Variants in MPRIP observed in about 807,000 individuals in gnomAD.
MPRIP encodes the protein myosin phosphatase Rho interacting protein.
A neutral mutation model predicts 234.9 loss-of-function variants in MPRIP; 59 were observed. That is an observed-to-expected ratio of 0.25 (90% CI 0.20 to 0.31). MPRIP has a LOEUF of 0.31. Among genes scored for constraint, MPRIP ranks in the 10% least tolerant of loss-of-function variants. The pLI is 1.00. For synonymous variants in MPRIP, 1,144 were observed against 1,263.9 expected (o/e 0.91, Z 2.01); for missense variants, 2,436 against 3,071.0 (o/e 0.79, Z 4.89).
chr17:17,154,212 G>A (rs2045675141), intron 12 of MPRIP, 94 bp from the exon 13 acceptor site: 2 of 1,036,834 alleles, frequency 1.9e-6, no homozygotes, highest in Admixed American at 1.9e-5. Context: ...TCTCCCTGTG[G>A]GACTTTACCC....
chr17:17,095,959 C>G (rs1295148285), intron 3 of MPRIP, among the ~76,000 whole-genome samples: 1 of 152,170 alleles, frequency 6.6e-6, no homozygotes. Flanking sequence ...CTGCTCTTGT[C>G]TCCTCTCCAG....
chr17:17,116,238 T>C (rs1385733243), intron 3 of MPRIP, among the ~76,000 whole-genome samples: 1 of 152,140 alleles, frequency 6.6e-6, no homozygotes, highest in African/African-American at 2.4e-5. Context: ...GACCTGTGGA[T>C]GGGCCATGGC....
intron 3 of MPRIP, among the ~76,000 whole-genome samples, chr17:17,119,686 T>C (rs1250621755): frequency 6.6e-6 from 1 of 152,224 alleles, no homozygotes; most frequent in Non-Finnish European, 1.5e-5. Flanking sequence ...CAATTCCCTG[T>C]GTCCTCCCTA....
Position 17,136,422 on chromosome 17 carries a change from G to C in MPRIP, c.708G>C (p.Leu236=). ...SQSQPPAASS[L]REPGLESKEE... ...GCCAGCCTCCTGCTGCCAGCTCCCT[G>C]CGGGAACCTGGGCTAGAGAGCAAAG... Residue 236 remains leucine (L), a synonymous_variant, in exon 6 of 24, where the codon CTG becomes CTC. Transcript: ENST00000651222. The C allele has an allele frequency of 6.2e-7, 1 of 1,610,452 alleles. No homozygotes were observed. Among genetic ancestry groups the C allele is most frequent in the Non-Finnish European group, 8.5e-7 (1 of 1,178,304 alleles).
chr17:17,066,627 A>G (rs982600841), intron 1 of MPRIP, among the ~76,000 whole-genome samples: 1 of 148,326 alleles, frequency 6.7e-6, no homozygotes, highest in African/African-American at 2.5e-5. Context: ...CAAACCACGG[A>G]TAGTACTGAA....
At chr17:17,093,064 T>C (rs1000040759) in intron 3 of MPRIP, among the ~76,000 whole-genome samples, 8 of 152,176 alleles carry the variant, frequency 5.3e-5, no homozygotes, top group Non-Finnish European at 1.0e-4. Flanking sequence ...AGTAACACAT[T>C]TGAATTTTGG....
intron 15 of MPRIP, among the ~76,000 whole-genome samples, chr17:17,163,300 G>T (rs146226561): frequency 1.3e-5 from 2 of 152,260 alleles, no homozygotes; most frequent in African/African-American, 4.8e-5. Flanking sequence ...AGATTCTTAG[G>T]CTGGGCTCGG....
chr17:17,183,107 C>G (rs1189998175), intron 23 of MPRIP: 2 of 152,456 alleles, frequency 1.3e-5, no homozygotes, highest in Non-Finnish European at 1.5e-5. Flanking sequence ...GGATTTTCCC[C>G]CCATTCCCCC....
At chr17:17,043,272 C>T (rs2088238049) in intron 1 of MPRIP, among the ~76,000 whole-genome samples, 1 of 152,132 alleles carries the variant, frequency 6.6e-6, no homozygotes, top group East Asian at 1.9e-4. Context: ...GATTGCATGC[C>T]GCTTGACGGG....
At chr17:17,119,727 G>T (rs2090352756) in intron 3 of MPRIP, among the ~76,000 whole-genome samples, 2 of 152,248 alleles carry the variant, frequency 1.3e-5, no homozygotes, top group Admixed American at 1.3e-4. Flanking sequence ...CCCTGCCAGA[G>T]TGCAGATGAG....
chr17:17,061,730 C>T (rs1034747359), intron 1 of MPRIP, among the ~76,000 whole-genome samples: 1 of 152,130 alleles, frequency 6.6e-6, no homozygotes, highest in African/African-American at 2.4e-5. Context: ...TGGGGTGGAG[C>T]CTGGTGTGAG....
intron 3 of MPRIP, among the ~76,000 whole-genome samples, chr17:17,104,156 G>A (rs2090017298): frequency 6.6e-6 from 1 of 152,188 alleles, no homozygotes; most frequent in Admixed American, 6.5e-5. Flanking sequence ...TTAGGGAATA[G>A]GCCTCATGCT....
rs61729732 is a variant in MPRIP at position 17,167,291 on chromosome 17, C to T, written c.5700C>T (p.Ser1900=). Residue 1900 remains serine (S), a synonymous_variant, in exon 16 of 24, where the codon AGC becomes AGT. Coordinates refer to ENST00000651222, the MANE Select transcript of MPRIP (RefSeq NM_001364716.4). This position sits in a 1 kb window ranked among gnomAD's most constrained non-coding sequence, Gnocchi z 5.9. ...AGGAGCTTCTCCGCAAGCAGAAGAGCGAGTACCTGGATGTGATCGCCATTG... is the reference window on the plus strand; with the variant it reads ...AGGAGCTTCTCCGCAAGCAGAAGAGTGAGTACCTGGATGTGATCGCCATTG... The part of the protein sequence containing the change: ...EYEELLRKQK[S]EYLDVIAIVE... 6.7e-3 allele frequency: 8,720 copies of T among 1,303,856 alleles called. 210 individuals are homozygous for T. In the African/African-American group the frequency reaches 0.069, roughly 10 times the overall value. The allele number at this position is 1,303,856 out of a possible 1,614,324, so 80.8% of individuals were successfully genotyped here.
chr17:17,123,451 T>C (rs933639640), intron 3 of MPRIP, among the ~76,000 whole-genome samples: 2 of 152,156 alleles, frequency 1.3e-5, no homozygotes, highest in African/African-American at 4.8e-5. Context: ...TCAGTTGATG[T>C]CAGGAGTTCG....
chr17:17,105,904 C>T (rs1656055699), intron 3 of MPRIP, among the ~76,000 whole-genome samples: 1 of 152,204 alleles, frequency 6.6e-6, no homozygotes, highest in African/African-American at 2.4e-5. Flanking sequence ...CCATATAGGA[C>T]ATCTGCCACT....
At chr17:17,156,603 G>A (rs140220956) in intron 13 of MPRIP, among the ~76,000 whole-genome samples, 142 of 152,296 alleles carry the variant, frequency 9.3e-4, no homozygotes, top group African/African-American at 3.2e-3. Context: ...GGTGCTTCCC[G>A]CCTTTGGCAC....
chr17:17,109,559 G>A (rs921448821), intron 3 of MPRIP, among the ~76,000 whole-genome samples: 1 of 152,186 alleles, frequency 6.6e-6, no homozygotes, highest in Non-Finnish European at 1.5e-5. Flanking sequence ...AGATACATAA[G>A]GATACAGAGA....
chr17:17,146,716 G>A (rs867692009), intron 10 of MPRIP, among the ~76,000 whole-genome samples: 3 of 152,196 alleles, frequency 2.0e-5, no homozygotes, highest in Admixed American at 6.5e-5. Context: ...TACCTAAGAG[G>A]CCCTGATGCC....
At chr17:17,183,598 G>C (rs2046416928) in intron 23 of MPRIP, among the ~76,000 whole-genome samples, 1 of 152,204 alleles carries the variant, frequency 6.6e-6, no homozygotes. Context: ...CAGACACATA[G>C]CTCCAGAATA....
Sources: gnomAD v4.1 joint callset for allele counts (sites outside exome capture counted in the v4.1 genomes callset) on GRCh38, gnomAD v4.1.1 for gene constraint, Gnocchi (gnomAD v3.1) non-coding constraint, MANE v1.5 for transcripts, NCBI Gene and HGNC (gene_info 2026-07-23, HGNC 2026-07-21) for gene names.